TAOK2: variants seen among roughly 807,000 people sequenced by gnomAD.
TAOK2 encodes TAO kinase 2.
A neutral mutation model predicts 122.5 loss-of-function variants in TAOK2; 42 were observed. The ratio of observed to expected loss-of-function variants is 0.34; its 90% CI spans 0.27 to 0.44. The LOEUF is 0.44. Ranked by LOEUF, TAOK2 falls within the 20% of genes least tolerant of loss-of-function variation. The probability of loss-of-function intolerance (pLI) is 1.00; values close to 1 mark genes in which losing one functional copy is unlikely to be tolerated. For missense variants in TAOK2, 1,264 were observed against 1,644.9 expected (o/e 0.77, Z 4.01); for synonymous variants, 704 against 677.6 (o/e 1.04, Z -0.61).
At position 29,986,394 on chromosome 16, in the gene TAOK2, C is replaced by T. The variant is rs1439895304; in HGVS notation, c.2122C>T (p.Leu708=). The T allele has an allele frequency of 4.3e-6, 7 of 1,611,114 alleles. No individual in the cohort carries two copies. The highest frequency in any genetic ancestry group is 5.9e-6 in the Non-Finnish European group (7 of 1,178,418). Residue 708 remains leucine, a synonymous_variant, in exon 16 of 16, where the codon CTG becomes TTG. Coordinates refer to ENST00000308893, the MANE Select transcript of TAOK2 (RefSeq NM_016151.4). The surrounding 1 kb of genome is among the most constrained non-coding windows in gnomAD (Gnocchi z 4.2). ...VQRTRAELTR[L]QHQTELGNQL... is the part of the protein sequence containing the mutation. ...GCGCACGCGGGCTGAGCTCACCCGC[C>T]TGCAGCACCAGACGGAGCTGGGCAA...
At position 29,981,573 on chromosome 16, in the gene TAOK2, G is replaced by A. The variant is rs770702539; in HGVS notation, c.656-88G>A. ...TGTGGCAAGGAAGTCAAGGAATTGG[G>A]GTTTGAACCCAAGTCGTCTCAGTTC... is the stretch of plus-strand genomic sequence containing the variant. On this transcript the variant is annotated intron_variant, in intron 8 of 15. Coordinates refer to ENST00000308893, the MANE Select transcript of TAOK2 (RefSeq NM_016151.4). The A allele has an allele frequency of 9.1e-6, 11 of 1,214,068 alleles. No homozygotes were observed. In the Admixed American group the frequency reaches 1.9e-4, roughly 21 times the overall value. The allele number at this position is 1,214,068 out of a possible 1,614,324, so 75.2% of individuals were successfully genotyped here. A position where few individuals can be genotyped will look rare whatever the true frequency, so the allele number is the denominator to read the frequency against.
At position 29,978,168 on chromosome 16, in the gene TAOK2, A is replaced by T. The variant is rs887028157; in HGVS notation, c.204+8A>T. 2 of 1,614,138 alleles carry T rather than the reference A, an allele frequency of 1.2e-6. No homozygotes were observed. Among genetic ancestry groups the T allele is most frequent in the South Asian group, 2.2e-5 (2 of 91,078 alleles). On this transcript the variant is annotated splice_region_variant and intron_variant, in intron 3 of 15. Coordinates refer to ENST00000308893, the MANE Select transcript of TAOK2 (RefSeq NM_016151.4). ...GGGAAGCAGTCCAATGAGGTGGGCC[A>T]GGTGCAATACAGCCAGGTTGGGGAC...
rs1268185640 is a variant in TAOK2, at chr16:29,982,722, C to G, written c.832-12C>G. The G allele has an allele frequency of 6.2e-7, 1 of 1,609,636 alleles. No individual in the cohort carries two copies. Among genetic ancestry groups the G allele is most frequent in the Non-Finnish European group, 8.5e-7 (1 of 1,177,462 alleles). On this transcript the variant is annotated splice_polypyrimidine_tract_variant and intron_variant, in intron 10 of 15. Transcript: ENST00000308893. ...GGAGTTGGCAGCAGACCTCAGTGCC[C>G]TCTTCCCCCAGCACCGCTTTGTGCT...
intron 10 of TAOK2, 53 bp from the exon 11 acceptor site, chr16:29,982,681 G>A: frequency 6.3e-7 from 1 of 1,581,800 alleles, no homozygotes; most frequent in Non-Finnish European, 8.6e-7. Context: ...AAGGGCTGTG[G>A]GTTGTGGGGG....
rs1468330900 is a variant in TAOK2 at position 29,985,335 on chromosome 16, T to C, written c.1545T>C (p.Gly515=). Residue 515 remains glycine (G), a synonymous_variant, in exon 14 of 16, where the codon GGT becomes GGC. Coordinates refer to ENST00000308893, the MANE Select transcript of TAOK2 (RefSeq NM_016151.4). This position sits in a 1 kb window ranked among gnomAD's most constrained non-coding sequence, Gnocchi z 6.9. ...TGGCCCTGGAGTCACGGCTGAGGGGTGAACGGGAGGAGCACAGTGCACGGC... is the reference window on the plus strand; with the variant it reads ...TGGCCCTGGAGTCACGGCTGAGGGGCGAACGGGAGGAGCACAGTGCACGGC... ...QLLALESRLR[G]EREEHSARLQ... is the part of the protein sequence containing the mutation. 6.2e-7 allele frequency: 1 copy of C among 1,608,916 alleles called. No homozygotes were observed. The highest frequency in any genetic ancestry group is 8.5e-7 in the Non-Finnish European group (1 of 1,177,056).
At position 29,986,228 on chromosome 16, in the gene TAOK2, T is replaced by TTA. The variant is rs772447026; in HGVS notation, c.1993-37_1993-36insTA. Reference sequence around the variant, plus strand: ...CCCTGGCCTCTCACTTCCTTGATACTGACCAGGCCCCGGGCCCTGCATTTC... The same window carrying TTA: ...CCCTGGCCTCTCACTTCCTTGATACTTAGACCAGGCCCCGGGCCCTGCATTTC... On this transcript the variant is annotated intron_variant, in intron 15 of 15. Coordinates refer to ENST00000308893, the MANE Select transcript of TAOK2 (RefSeq NM_016151.4). The surrounding 1 kb of genome is among the most constrained non-coding windows in gnomAD (Gnocchi z 4.2). 6.6e-7 allele frequency: 1 copy of TTA among 1,507,630 alleles called. No homozygotes were observed. Among genetic ancestry groups the TTA allele is most frequent in the East Asian group, 2.3e-5 (1 of 43,014 alleles). The allele number at this position is 1,507,630 out of a possible 1,614,324, so 93.4% of individuals were successfully genotyped here.
chr16:29,980,313 C>T (rs1473025961), intron 8 of TAOK2: 2 of 152,222 alleles, frequency 1.3e-5, no homozygotes, highest in African/African-American at 2.4e-5. Context: ...GTTAGTTTCT[C>T]TTATCAACAG....
chr16:29,978,011 T>C (rs938466079), intron 2 of TAOK2, 78 bp from the exon 3 acceptor site: 1 of 1,611,832 alleles, frequency 6.2e-7, no homozygotes, highest in African/African-American at 1.3e-5. Context: ...CTTTCCTGCC[T>C]TCTCTTGCTG....
downstream of TAOK2, chr16:29,989,026 G>C (rs541193624): frequency 1.8e-4 from 175 of 985,342 alleles, no homozygotes; most frequent in Middle Eastern, 1.6e-3. Flanking sequence ...CCATTTCTCA[G>C]CTCGGTGCTT....
rs2069880293 is a variant in TAOK2, at chr16:29,988,317, T to C, written c.*337T>C. Reference sequence around the variant, plus strand: ...TTTCTCCTCTTTGATTTTGTTTTTCTGTCTCCCTTCCAACCTGTCCCCTTC... The same window carrying C: ...TTTCTCCTCTTTGATTTTGTTTTTCCGTCTCCCTTCCAACCTGTCCCCTTC... On this transcript the variant is annotated 3_prime_UTR_variant, in exon 16 of 16. Transcript: ENST00000308893. 1 of 1,412,018 alleles carries C rather than the reference T, an allele frequency of 7.1e-7. No individual in the cohort carries two copies. The highest frequency in any genetic ancestry group is 9.3e-7 in the Non-Finnish European group (1 of 1,073,770). 87.5% of individuals were successfully genotyped at this position (1,412,018 alleles called of 1,614,324 possible).
At chr16:29,984,086 C>T (rs2069707032) in intron 13 of TAOK2, among the ~76,000 whole-genome samples, 1 of 152,204 alleles carries the variant, frequency 6.6e-6, no homozygotes, top group Admixed American at 6.5e-5. Flanking sequence ...TTGGGTGGTC[C>T]TGAACAGCAT....
chr16:29,989,513 G>C (rs2069914793), downstream of TAOK2: 11 of 1,593,612 alleles, frequency 6.9e-6, no homozygotes, highest in Non-Finnish European at 9.4e-6. Flanking sequence ...TCCCCTGGTT[G>C]TTCCTCCTCT....
At chr16:29,990,709 A>G, downstream of TAOK2, 1 of 1,462,054 alleles carries the variant, frequency 6.8e-7, no homozygotes, top group Middle Eastern at 1.9e-4. Flanking sequence ...CTTAGGGCCC[A>G]GGCCTACCTG....
chr16:29,983,615 C>T lies in TAOK2; in HGVS notation c.1373C>T (p.Ala458Val), dbSNP rs1209871229. 1.9e-6 allele frequency: 3 copies of T among 1,613,678 alleles called. No homozygotes were observed. Among genetic ancestry groups the T allele is most frequent in the East Asian group, 4.5e-5 (2 of 44,880 alleles). ...TSTTSSARRR[A>V]YCRNRDHFAT... ...ACCACCTCTTCCGCCCGCCGCCGGG[C>T]CTACTGCCGTAACCGAGACCACTTT... The change falls in exon 13 of 16, where the codon GCC becomes GTC. Residue 458 changes from alanine (A) to valine (V), a missense_variant. By Grantham distance (64) the Ala-to-Val change is moderately conservative. This residue lies in a region of TAOK2 where 122 missense variants were observed against 116.7 expected (regional missense o/e 1.04). Coordinates refer to ENST00000308893, the MANE Select transcript of TAOK2 (RefSeq NM_016151.4).
In TAOK2 at chr16:29,974,306, C is replaced by T. The variant is rs1321307969; in HGVS notation, c.-378C>T. 1 of 152,692 alleles carries T rather than the reference C, an allele frequency of 6.5e-6. No homozygotes were observed. The highest frequency in any genetic ancestry group is 6.5e-5 in the Admixed American group (1 of 15,290). The allele number at this position is 152,692 out of a possible 1,614,324, so 9.5% of individuals were successfully genotyped here. On this transcript the variant is annotated 5_prime_UTR_variant, in exon 1 of 16. Transcript: ENST00000308893. ...AGAATTTCAAATATCAGGTTCAGGC[C>T]CCTGCGTGCACCAGTATCCGGGGTT... is the stretch of plus-strand genomic sequence containing the variant.
At position 29,978,246 on chromosome 16, in the gene TAOK2, C is replaced by G. The variant is rs371480031; in HGVS notation, c.205-6C>G. ...TGGGTAACCTCTGCCTACCCTGACC[C>G]CCTAGAAATGGCAAGACATCATCAA... On this transcript the variant is annotated splice_polypyrimidine_tract_variant and splice_region_variant and intron_variant, in intron 3 of 15. Coordinates refer to ENST00000308893, the MANE Select transcript of TAOK2 (RefSeq NM_016151.4). The G allele has an allele frequency of 2.5e-6, 4 of 1,613,928 alleles. No homozygotes were observed. The African/African-American group carries it at 5.3e-5, about 22-fold the overall frequency.
intron 8 of TAOK2, chr16:29,981,110 A>G (rs1367808961): frequency 6.0e-6 from 1 of 166,204 alleles, no homozygotes; most frequent in Non-Finnish European, 1.3e-5. Context: ...CTTAGCTTGC[A>G]CTTACCTTTC....
chr16:29,980,999 A>T (rs2069595273), intron 8 of TAOK2: 1 of 152,798 alleles, frequency 6.5e-6, no homozygotes, highest in African/African-American at 2.4e-5. Flanking sequence ...GGAAACTTGT[A>T]TTATTATTTG....
At position 29,979,568 on chromosome 16, in the gene TAOK2, A is replaced by T; in HGVS notation, c.655+60A>T. ...TCCATTCTTTCCTGTTAGTTCCCAGACTCCGGACTACCCCCTTCTCCTAGG... is the reference window on the plus strand; with the variant it reads ...TCCATTCTTTCCTGTTAGTTCCCAGTCTCCGGACTACCCCCTTCTCCTAGG... On this transcript the variant is annotated intron_variant, in intron 8 of 15. Coordinates refer to ENST00000308893, the MANE Select transcript of TAOK2 (RefSeq NM_016151.4). The surrounding 1 kb of genome is among the most constrained non-coding windows in gnomAD (Gnocchi z 4.1). The T allele has an allele frequency of 7.8e-7, 1 of 1,283,084 alleles. No individual in the cohort carries two copies. Among genetic ancestry groups the T allele is most frequent in the Non-Finnish European group, 1.0e-6 (1 of 956,860 alleles). 79.5% of individuals were successfully genotyped at this position (1,283,084 alleles called of 1,614,324 possible).
Sources: gnomAD v4.1 joint callset for allele counts (sites outside exome capture counted in the v4.1 genomes callset) on GRCh38, gnomAD v4.1.1 for gene constraint, gnomAD v4.1.1 regional missense constraint, Gnocchi (gnomAD v3.1) non-coding constraint, MANE v1.5 for transcripts, NCBI Gene and HGNC (gene_info 2026-07-23, HGNC 2026-07-21) for gene names.